Variants in CSTPP1 observed in about 807,000 individuals in gnomAD.
CSTPP1 encodes the protein UPF0705 protein C11orf49.
chr11:47,163,038 G>A, the CSTPP1 span, among the ~76,000 whole-genome samples: 4 of 151,994 alleles, frequency 2.6e-5, no homozygotes, highest in African/African-American at 9.7e-5. Context: ...AGCCAGGCAT[G>A]GTAGCTTGCA....
At chr11:47,053,646 A>G in the CSTPP1 span, among the ~76,000 whole-genome samples, 1 of 151,848 alleles carries the variant, frequency 6.6e-6, no homozygotes, top group Non-Finnish European at 1.5e-5. Flanking sequence ...AAAAAAGAAA[A>G]GAAAAGAAAT....
At chr11:47,035,876 G>T in the CSTPP1 span, among the ~76,000 whole-genome samples, 3 of 150,846 alleles carry the variant, frequency 2.0e-5, no homozygotes, top group Admixed American at 2.0e-4. Context: ...AAAAATCCAT[G>T]TATAAGTAGA....
chr11:47,072,686 TACAC>T, the CSTPP1 span, among the ~76,000 whole-genome samples: 5 of 151,412 alleles, frequency 3.3e-5, no homozygotes, highest in African/African-American at 1.2e-4. Flanking sequence ...TATATATATA[TACAC>T]ACACACATAT....
chr11:47,155,072 T>C, the CSTPP1 span: 6 of 948,834 alleles, frequency 6.3e-6, no homozygotes, highest in Non-Finnish European at 1.0e-5. Context: ...CAGCTCTCTC[T>C]CTCCCTCTCC....
chr11:47,127,473 A>G, the CSTPP1 span, among the ~76,000 whole-genome samples: 193 of 152,332 alleles, frequency 1.3e-3, 1 homozygote, highest in Non-Finnish European at 2.3e-3. Flanking sequence ...AGGCTTGACA[A>G]AATAATCATG....
the CSTPP1 span, among the ~76,000 whole-genome samples, chr11:47,012,825 T>C: frequency 6.6e-6 from 1 of 151,888 alleles, no homozygotes. Flanking sequence ...CTATCTCTCA[T>C]AGGAATAAAA....
the CSTPP1 span, among the ~76,000 whole-genome samples, chr11:47,077,896 C>A: frequency 6.6e-6 from 1 of 151,982 alleles, no homozygotes; most frequent in African/African-American, 2.4e-5. Flanking sequence ...TACTTAAAAA[C>A]CCCCACAAAC....
the CSTPP1 span, among the ~76,000 whole-genome samples, chr11:47,128,704 A>T: frequency 6.6e-6 from 1 of 152,136 alleles, no homozygotes; most frequent in Non-Finnish European, 1.5e-5. Context: ...TCTATTTTTT[A>T]AAATGTATAT....
chr11:47,024,747 TATCCC>T, the CSTPP1 span, among the ~76,000 whole-genome samples: 1 of 152,178 alleles, frequency 6.6e-6, no homozygotes, highest in Non-Finnish European at 1.5e-5. Flanking sequence ...CTGGAACAAC[TATCCC>T]AGGATCTTCA....
the CSTPP1 span, among the ~76,000 whole-genome samples, chr11:47,065,464 G>C: frequency 6.6e-6 from 1 of 152,004 alleles, no homozygotes; most frequent in Non-Finnish European, 1.5e-5. Context: ...TTCTTTTAGA[G>C]ATGAGGTCTC....
the CSTPP1 span, among the ~76,000 whole-genome samples, chr11:47,082,823 T>A: frequency 6.6e-6 from 1 of 152,164 alleles, no homozygotes; most frequent in Non-Finnish European, 1.5e-5. Context: ...ATAGATAGAA[T>A]CATACAATAT....
chr11:46,975,919 G>A, the CSTPP1 span, among the ~76,000 whole-genome samples: 194 of 152,308 alleles, frequency 1.3e-3, 1 homozygote, highest in Non-Finnish European at 1.3e-4. Context: ...GATGTGGGAG[G>A]ACTTAAGTGA....
the CSTPP1 span, among the ~76,000 whole-genome samples, chr11:47,090,342 A>G: frequency 6.6e-6 from 1 of 152,230 alleles, no homozygotes; most frequent in Non-Finnish European, 1.5e-5. Flanking sequence ...CAGTATGCAC[A>G]ATGTTGAAAC....
chr11:47,133,504 A>G, the CSTPP1 span, among the ~76,000 whole-genome samples: 3 of 152,174 alleles, frequency 2.0e-5, no homozygotes, highest in African/African-American at 4.8e-5. Context: ...GGGATGAGAG[A>G]CCACGGTGTG....
chr11:47,092,152 G>A, the CSTPP1 span, among the ~76,000 whole-genome samples: 6 of 151,964 alleles, frequency 3.9e-5, no homozygotes, highest in African/African-American at 1.2e-4. Flanking sequence ...TAACATATTC[G>A]TAAAAGCATT....
chr11:47,067,558 C>T, the CSTPP1 span, among the ~76,000 whole-genome samples: 1 of 152,160 alleles, frequency 6.6e-6, no homozygotes, highest in South Asian at 2.1e-4. Context: ...CAAGAAGAGA[C>T]ACCGGAACTG....
the CSTPP1 span, among the ~76,000 whole-genome samples, chr11:47,012,267 A>C: frequency 2.0e-5 from 3 of 152,136 alleles, no homozygotes; most frequent in Non-Finnish European, 2.9e-5. Context: ...CAAAAAAAGG[A>C]AATAAAGGAG....
chr11:47,159,788 T>C, the CSTPP1 span: 2 of 447,674 alleles, frequency 4.5e-6, no homozygotes, highest in Non-Finnish European at 9.0e-6. Context: ...GCGGATCACC[T>C]GAGGTCAGGA....
the CSTPP1 span, chr11:47,052,243 C>A: frequency 9.8e-7 from 1 of 1,023,200 alleles, no homozygotes; most frequent in Non-Finnish European, 1.4e-6. Context: ...CATAGAAGGA[C>A]TAGGTCTAAT....
Sources: gnomAD v4.1 joint callset for allele counts (sites outside exome capture counted in the v4.1 genomes callset) on GRCh38, gnomAD v4.1.1 for gene constraint, MANE v1.5 for transcripts, NCBI Gene and HGNC (gene_info 2026-07-23, HGNC 2026-07-21) for gene names.